UPP2: variants seen among roughly 807,000 people sequenced by gnomAD.
UPP2 encodes UPase 2.
In UPP2, 23 loss-of-function variants were observed where a neutral mutation model predicts 26.7. The observed-to-expected ratio is 0.86, with a 90% confidence interval of 0.62 to 1.22. UPP2 has a LOEUF of 1.22. Among genes scored for constraint, UPP2 ranks in the 50% most tolerant of loss-of-function variants. UPP2 has a pLI of 0.00. For missense variants in UPP2, 387 were observed against 396.7 expected (o/e 0.98, Z 0.21); for synonymous variants, 127 against 141.3 (o/e 0.90, Z 0.72).
intron 2 of UPP2, among the ~76,000 whole-genome samples, chr2:157,996,612 G>A (rs951573900): frequency 3.3e-5 from 5 of 152,120 alleles, no homozygotes; most frequent in African/African-American, 1.2e-4. Flanking sequence ...TGGCCTTCTA[G>A]AGCTTTCTAG....
intron 3 of UPP2, chr2:158,065,669 G>A (rs1422016780): frequency 5.1e-6 from 3 of 591,860 alleles, no homozygotes; most frequent in South Asian, 4.7e-5. Context: ...GAAGTATGGA[G>A]TTTTCACAAT....
At chr2:158,024,097 A>T (rs111443160) in intron 3 of UPP2, among the ~76,000 whole-genome samples, 1 of 152,174 alleles carries the variant, frequency 6.6e-6, no homozygotes, top group African/African-American at 2.4e-5. Flanking sequence ...AGACATTCCA[A>T]TTCTTAGGTC....
chr2:158,117,494 A>G lies in UPP2; in HGVS notation c.340-330A>G, dbSNP rs188434399. On this transcript the variant is annotated intron_variant, in intron 3 of 6. Transcript: ENST00000005756. Reference sequence around the variant, plus strand: ...AAAAGCTCTTTTTCAAAGGCTCATCATGAAGAGCCCAGTGGGAAGATGGGA... The same window carrying G: ...AAAAGCTCTTTTTCAAAGGCTCATCGTGAAGAGCCCAGTGGGAAGATGGGA... 3.9e-3 allele frequency among the ~76,000 whole-genome samples: 597 copies of G among 152,106 alleles called. 6 individuals carry two copies. Among genetic ancestry groups the G allele is most frequent in the South Asian group, 0.02 (97 of 4,818 alleles).
chr2:158,080,197 T>A (rs1682701074), intron 3 of UPP2, among the ~76,000 whole-genome samples: 1 of 152,174 alleles, frequency 6.6e-6, no homozygotes, highest in African/African-American at 2.4e-5. Flanking sequence ...TAATTTTATC[T>A]TTTATTATGT....
chr2:158,027,006 G>T (rs938167154), intron 3 of UPP2, among the ~76,000 whole-genome samples: 1 of 152,076 alleles, frequency 6.6e-6, no homozygotes, highest in Non-Finnish European at 1.5e-5. Context: ...ATCTCGCACC[G>T]GGTCCCTCTC....
At chr2:158,118,474 C>T (rs538871388) in intron 4 of UPP2, among the ~76,000 whole-genome samples, 2 of 152,038 alleles carry the variant, frequency 1.3e-5, no homozygotes, top group South Asian at 4.2e-4. Flanking sequence ...GTGATGCTTC[C>T]TATAGTTTTC....
At chr2:157,995,498 T>C (rs934018491) in intron 2 of UPP2, among the ~76,000 whole-genome samples, 4 of 152,186 alleles carry the variant, frequency 2.6e-5, no homozygotes, top group African/African-American at 7.2e-5. Context: ...AAGAGGTTAT[T>C]TTAGAAAAAC....
chr2:158,080,929 T>C (rs894088802), intron 3 of UPP2, among the ~76,000 whole-genome samples: 2 of 152,188 alleles, frequency 1.3e-5, no homozygotes, highest in African/African-American at 4.8e-5. Flanking sequence ...GAAAACCACG[T>C]TGCAGTATTT....
intron 3 of UPP2, among the ~76,000 whole-genome samples, chr2:158,032,952 C>A (rs1683945223): frequency 6.6e-6 from 1 of 152,084 alleles, no homozygotes; most frequent in South Asian, 2.1e-4. Flanking sequence ...GGCTCTGGCC[C>A]TAACAGGCTT....
At chr2:158,048,373 A>G (rs1192888590) in intron 3 of UPP2, among the ~76,000 whole-genome samples, 2 of 152,236 alleles carry the variant, frequency 1.3e-5, no homozygotes, top group East Asian at 3.9e-4. Flanking sequence ...TGGGAGGTCA[A>G]GGTGGGAGGA....
intron 3 of UPP2, among the ~76,000 whole-genome samples, chr2:158,017,773 G>A (rs930524261): frequency 6.6e-6 from 1 of 152,166 alleles, no homozygotes; most frequent in Non-Finnish European, 1.5e-5. Context: ...AGATGTTCAA[G>A]TGCTTTTTAC....
At chr2:158,002,582 G>A (rs73968529) in intron 2 of UPP2, among the ~76,000 whole-genome samples, 2 of 152,144 alleles carry the variant, frequency 1.3e-5, no homozygotes, top group Non-Finnish European at 1.5e-5. Flanking sequence ...GATTCAGACC[G>A]TATTGAAGGG....
At chr2:158,058,765 A>G (rs1558917526) in intron 3 of UPP2, among the ~76,000 whole-genome samples, 1 of 146,664 alleles carries the variant, frequency 6.8e-6, no homozygotes, top group Non-Finnish European at 1.5e-5. Flanking sequence ...ATTTGTTTTG[A>G]GGGAACGAAC....
chr2:158,017,962 T>C (rs1375153113), intron 3 of UPP2, among the ~76,000 whole-genome samples: 1 of 152,242 alleles, frequency 6.6e-6, no homozygotes, highest in Non-Finnish European at 1.5e-5. Context: ...TATATATGCA[T>C]ACACAATGAA....
chr2:158,058,962 T>C (rs1682307405), intron 3 of UPP2, among the ~76,000 whole-genome samples: 1 of 151,838 alleles, frequency 6.6e-6, no homozygotes, highest in African/African-American at 2.4e-5. Context: ...AAGATTCAAG[T>C]GGTTAAGGTG....
At chr2:158,055,347 C>T (rs1682230589) in intron 3 of UPP2, among the ~76,000 whole-genome samples, 1 of 152,154 alleles carries the variant, frequency 6.6e-6, no homozygotes, top group Non-Finnish European at 1.5e-5. Flanking sequence ...GGGCAGAGCC[C>T]TCACCACCCA....
Position 158,102,067 on chromosome 2 carries a change from G to T in UPP2, c.4G>T (p.Ala2Ser). 6 of 1,613,344 alleles carry T rather than the reference G, an allele frequency of 3.7e-6. No individual in the cohort carries two copies. The highest frequency in any genetic ancestry group is 5.1e-6 in the Non-Finnish European group (6 of 1,179,650). ...GACTTTTCACATAGTAGAGAGAATG[G>T]CTTCAGTTATACCTGCCTCCAATAG... M[A>S]SVIPASNRSM... Residue 2 changes from alanine (A) to serine (S), a missense_variant, in exon 1 of 7, where the codon GCT becomes TCT. Physicochemically the swap from Ala to Ser is moderately conservative, Grantham distance 99 (BLOSUM62 1). Transcript: ENST00000005756.
chr2:158,077,421 C>G (rs1682647391), intron 3 of UPP2, among the ~76,000 whole-genome samples: 1 of 152,082 alleles, frequency 6.6e-6, no homozygotes, highest in Non-Finnish European at 1.5e-5. Context: ...ACCAAAACAG[C>G]ATGGTACTGC....
chr2:158,103,471 C>A (rs576899365), intron 1 of UPP2, among the ~76,000 whole-genome samples: 1 of 152,194 alleles, frequency 6.6e-6, no homozygotes, highest in Admixed American at 6.5e-5. Flanking sequence ...GAGATAGGGT[C>A]TAGGGATAAG....
Sources: gnomAD v4.1 joint callset for allele counts (sites outside exome capture counted in the v4.1 genomes callset) on GRCh38, gnomAD v4.1.1 for gene constraint, MANE v1.5 for transcripts, NCBI Gene and HGNC (gene_info 2026-07-23, HGNC 2026-07-21) for gene names.